Variants in TENM4 observed in about 807,000 individuals in gnomAD.
The protein encoded by TENM4 is teneurin transmembrane protein 4.
In TENM4, 82 loss-of-function variants were observed where a neutral mutation model predicts 243.3. That is an observed-to-expected ratio of 0.34 (90% CI 0.28 to 0.40). TENM4 has a LOEUF of 0.40. Ranked by LOEUF, TENM4 falls within the 10% of genes least tolerant of loss-of-function variation. TENM4 has a pLI of 1.00. For missense variants in TENM4, 3,138 were observed against 3,673.3 expected, an observed-to-expected ratio of 0.85 and a Z score of 3.77; for synonymous variants, 1,412 against 1,456.3, an observed-to-expected ratio of 0.97 and a Z score of 0.69.
chr11:78,706,519 T>C (rs939184165), intron 27 of TENM4, among the ~76,000 whole-genome samples: 3 of 152,222 alleles, frequency 2.0e-5, no homozygotes, highest in Non-Finnish European at 2.9e-5. Context: ...CAAATGTGTC[T>C]GTAAAATAGA....
intron 9 of TENM4, among the ~76,000 whole-genome samples, chr11:78,885,550 T>G (rs1855531726): frequency 6.6e-6 from 1 of 152,206 alleles, no homozygotes. Flanking sequence ...TACTTTCTCA[T>G]GAAAATACCT....
intron 7 of TENM4, among the ~76,000 whole-genome samples, chr11:78,898,541 A>G (rs1221577025): frequency 6.6e-6 from 1 of 152,174 alleles, no homozygotes; most frequent in African/African-American, 2.4e-5. Context: ...GCCTCTGCTC[A>G]GACTGTGCCC....
chr11:79,097,256 A>C (rs1245812214), intron 4 of TENM4: 1 of 152,188 alleles, frequency 6.6e-6, no homozygotes, highest in African/African-American at 2.4e-5. Context: ...CCTGTGCTTA[A>C]GGAGTTAACC....
chr11:79,418,958 T>C (rs976741463), intron 1 of TENM4, among the ~76,000 whole-genome samples: 4 of 152,238 alleles, frequency 2.6e-5, no homozygotes, highest in African/African-American at 7.2e-5. Context: ...TGTTTAGCAA[T>C]GGTGGCATCA....
chr11:79,276,127 C>T (rs1355484872), intron 2 of TENM4, among the ~76,000 whole-genome samples: 2 of 152,246 alleles, frequency 1.3e-5, no homozygotes, highest in African/African-American at 4.8e-5. Context: ...TGGGAAGGAT[C>T]CTTACTGAGA....
At chr11:78,736,479 T>TGTGTGTGTGTGTGCGCGC (rs796898751) in intron 20 of TENM4, among the ~76,000 whole-genome samples, 3 of 99,400 alleles carry the variant, frequency 3.0e-5, no homozygotes, top group Admixed American at 1.0e-4. Context: ...TGTGTGTGTG[T>TGTGTGTGTGTGTGCGCGC]GCGCGCGCGT....
rs79805369 is a variant in TENM4 at position 79,004,390 on chromosome 11, G to A, written c.493+60348C>T. On this transcript the variant is annotated intron_variant, in intron 6 of 33. Transcript: ENST00000278550. ...ACTTTAAATCGACTACACAATCATC[G>A]GCAAATTAAGAGATACCAACCACGC... Among the ~76,000 whole-genome samples, 1,174 of 151,946 alleles carry A rather than the reference G, an allele frequency of 7.7e-3. 22 individuals are homozygous for A. Among genetic ancestry groups the A allele is most frequent in the African/African-American group, 0.027 (1,114 of 41,480 alleles).
At chr11:78,757,387 G>A (rs1856335565) in intron 18 of TENM4, among the ~76,000 whole-genome samples, 1 of 152,248 alleles carries the variant, frequency 6.6e-6, no homozygotes, top group Admixed American at 6.5e-5. Flanking sequence ...ACCATGTGAG[G>A]CTGCTGAGGT....
chr11:79,351,477 G>A (rs1176319468), intron 1 of TENM4, among the ~76,000 whole-genome samples: 3 of 152,054 alleles, frequency 2.0e-5, no homozygotes, highest in Non-Finnish European at 1.5e-5. Flanking sequence ...AGGCTGAGGC[G>A]GGCAGATCAC....
At chr11:79,343,254 A>C (rs562958362) in intron 1 of TENM4, among the ~76,000 whole-genome samples, 2 of 152,382 alleles carry the variant, frequency 1.3e-5, no homozygotes, top group African/African-American at 4.8e-5. Context: ...ATTATGGTTA[A>C]GTGATCCTTA....
chr11:79,067,822 T>C (rs545105000), intron 5 of TENM4: 4 of 152,340 alleles, frequency 2.6e-5, no homozygotes, highest in South Asian at 4.1e-4. Context: ...TGACATCCCA[T>C]CTCACTCAAC....
intron 1 of TENM4, among the ~76,000 whole-genome samples, chr11:79,417,850 A>G (rs1355063008): frequency 6.6e-6 from 1 of 152,028 alleles, no homozygotes; most frequent in Admixed American, 6.6e-5. Context: ...GAATCACTCC[A>G]CATTTCCCTA....
chr11:78,696,334 T>C (rs545116325), intron 28 of TENM4, among the ~76,000 whole-genome samples: 3 of 152,336 alleles, frequency 2.0e-5, no homozygotes, highest in East Asian at 1.9e-4. Context: ...ATAGTTATTT[T>C]AAATTCTCTG....
intron 6 of TENM4, among the ~76,000 whole-genome samples, chr11:79,039,901 T>C (rs1263566474): frequency 1.3e-5 from 2 of 152,184 alleles, no homozygotes; most frequent in Non-Finnish European, 2.9e-5. Flanking sequence ...GTGTCAGACA[T>C]GTACTCAGTG....
intron 16 of TENM4, among the ~76,000 whole-genome samples, chr11:78,783,179 A>T (rs993714011): frequency 6.6e-6 from 1 of 152,178 alleles, no homozygotes; most frequent in African/African-American, 2.4e-5. Flanking sequence ...GCCTTGTTAA[A>T]TTTAACTACG....
chr11:78,658,644 T>A lies in TENM4; in HGVS notation c.7724A>T (p.Lys2575Met). ...GATGTCTGTGGTCACTCGGCCATCC[T>A]TCAAGGCAAACTTGACCCCCTTGCC... ...VFGKGVKFAL[K>M]DGRVTTDIIS... Residue 2575 changes from lysine (K) to methionine (M), a missense_variant, in exon 34 of 34, where the codon AAG (lysine) becomes ATG (methionine). Lys to Met is a moderately conservative substitution (Grantham distance 95). This residue lies in a region of TENM4 where 2,467 missense variants were observed against 3,059.1 expected (regional missense o/e 0.81). Coordinates refer to ENST00000278550, the MANE Select transcript of TENM4 (RefSeq NM_001098816.3). 6.2e-7 allele frequency: 1 copy of A among 1,614,084 alleles called. No homozygotes were observed. Among genetic ancestry groups the A allele is most frequent in the Non-Finnish European group, 8.5e-7 (1 of 1,179,908 alleles).
chr11:79,093,921 G>GC (rs1309032164), intron 4 of TENM4: 3 of 152,186 alleles, frequency 2.0e-5, no homozygotes, highest in African/African-American at 7.2e-5. Flanking sequence ...CAATATGGCA[G>GC]CCACCAGCCA....
At chr11:78,838,655 G>A (rs1858178136) in intron 12 of TENM4, among the ~76,000 whole-genome samples, 2 of 152,162 alleles carry the variant, frequency 1.3e-5, no homozygotes, top group Admixed American at 6.5e-5. Context: ...GAGTAAAGCA[G>A]GCCAGGTACA....
intron 18 of TENM4, among the ~76,000 whole-genome samples, chr11:78,760,880 T>C (rs1410303328): frequency 6.6e-6 from 1 of 152,232 alleles, no homozygotes; most frequent in Non-Finnish European, 1.5e-5. Context: ...CCATCATTTG[T>C]GTCTGGTCTG....
Sources: allele counts gnomAD v4.1 joint callset (sites outside exome capture counted in the v4.1 genomes callset), GRCh38; gene constraint gnomAD v4.1.1; regional missense constraint gnomAD v4.1.1; transcripts MANE v1.5; gene names NCBI Gene and HGNC (gene_info 2026-07-23, HGNC 2026-07-21).